AMMECR1: variants seen among roughly 807,000 people sequenced by gnomAD.
AMMECR1 encodes nuclear protein AMMECR1.
A neutral mutation model predicts 22.5 loss-of-function variants in AMMECR1; 3 were observed. That is an observed-to-expected ratio of 0.13 (90% CI 0.06 to 0.35). The LOEUF (loss-of-function observed/expected upper bound fraction) is 0.35, where lower values mean the gene tolerates loss of function less well. Among genes scored for constraint, AMMECR1 ranks in the 10% least tolerant of loss-of-function variants. The pLI is 1.00. For synonymous variants in AMMECR1, 130 were observed against 116.7 expected (o/e 1.11, Z -0.74); for missense variants, 235 against 278.7 (o/e 0.84, Z 1.12).
chrX:110,326,427 T>C lies in AMMECR1; in HGVS notation c.-147-8578A>G, dbSNP rs368019712. 2.7e-5 allele frequency among the ~76,000 whole-genome samples: 3 copies of C among 112,526 alleles called. No homozygotes were observed. In the East Asian group the frequency reaches 8.3e-4, roughly 31 times the overall value. On this transcript the variant is annotated intron_variant, in intron 2 of 7. Coordinates refer to the AMMECR1 transcript ENST00000372057. ...CACATATTTGTGAATTTCCCAAATT[T>C]CCTTCTGTTTTTTATTTCTAATTTC...
At chrX:110,305,798 G>A (rs5942915) in intron 1 of AMMECR1, among the ~76,000 whole-genome samples, 41,451 of 108,535 alleles carry the variant, frequency 0.38, 6,356 homozygotes, top group East Asian at 0.93. Context: ...CATTTCCTCA[G>A]AAACCCCATC....
intron 2 of AMMECR1, among the ~76,000 whole-genome samples, chrX:110,226,650 T>C (rs2067535210): frequency 9.0e-6 from 1 of 111,324 alleles, no homozygotes; most frequent in Non-Finnish European, 1.9e-5. Context: ...GTAAGAGAGC[T>C]GACATATGAA....
At chrX:110,319,017 T>C (rs1394595245), upstream of AMMECR1, among the ~76,000 whole-genome samples, 1 of 112,380 alleles carries the variant, frequency 8.9e-6, no homozygotes, top group Non-Finnish European at 1.9e-5. Flanking sequence ...TTATCTGTAG[T>C]GCTCAGATCT....
intron 2 of AMMECR1, among the ~76,000 whole-genome samples, chrX:110,361,941 A>G (rs1235271849): frequency 8.9e-6 from 1 of 111,859 alleles, no homozygotes; most frequent in Non-Finnish European, 1.9e-5. Flanking sequence ...AACTGTATTT[A>G]CCAAAACAGG....
intron 1 of AMMECR1, among the ~76,000 whole-genome samples, chrX:110,273,526 CT>C (rs2067810316): frequency 8.9e-6 from 1 of 112,175 alleles, no homozygotes; most frequent in East Asian, 2.8e-4. Flanking sequence ...GTTGCATTTG[CT>C]TTTAGAGTTT....
intron 1 of AMMECR1, among the ~76,000 whole-genome samples, chrX:110,296,513 T>C (rs780776805): frequency 8.9e-6 from 1 of 112,181 alleles, no homozygotes; most frequent in South Asian, 3.7e-4. Context: ...TATGTGTGCA[T>C]TGGTATACTA....
chrX:110,362,885 T>C lies in AMMECR1; in HGVS notation c.-147-45036A>G, dbSNP rs185047337. 1.9e-4 allele frequency among the ~76,000 whole-genome samples: 21 copies of C among 112,078 alleles called. No individual in the cohort carries two copies. In the East Asian group the frequency reaches 5.3e-3, roughly 28 times the overall value. On this transcript the variant is annotated intron_variant, in intron 2 of 7. Coordinates refer to the AMMECR1 transcript ENST00000372057. ...GGGGGATTTATATATATTAATTCAT[T>C]TAATTCTTATAAAACACCTAAGTGA... is the stretch of plus-strand genomic sequence containing the variant.
In AMMECR1 at chrX:110,403,109, G is replaced by A. The variant is rs192586292; in HGVS notation, c.-148+23549C>T. Reference sequence around the variant, plus strand: ...CCCTGCCATCCTTGGGAGTAGGTATGAGAGAGGGAGTTGAGAGGCCAGGCT... The same window carrying A: ...CCCTGCCATCCTTGGGAGTAGGTATAAGAGAGGGAGTTGAGAGGCCAGGCT... On this transcript the variant is annotated intron_variant, in intron 2 of 7. Coordinates refer to the AMMECR1 transcript ENST00000372057. Among the ~76,000 whole-genome samples the A allele has an allele frequency of 6.3e-5, 7 of 111,352 alleles. No individual in the cohort carries two copies. In the East Asian group the frequency reaches 1.4e-3, roughly 23 times the overall value.
intron 2 of AMMECR1, among the ~76,000 whole-genome samples, chrX:110,378,972 AT>A (rs2068398772): frequency 1.8e-5 from 2 of 111,250 alleles, no homozygotes; most frequent in South Asian, 7.7e-4. Context: ...CTCGTGAAAC[AT>A]TAACCTCTCC....
At chrX:110,333,831 T>TG (rs1163601470) in intron 2 of AMMECR1, among the ~76,000 whole-genome samples, 3 of 88,274 alleles carry the variant, frequency 3.4e-5, no homozygotes, top group Non-Finnish European at 6.7e-5. Flanking sequence ...TGTCAGGGGG[T>TG]GGGGGTCTGG....
chrX:110,234,324 A>G (rs2067587562), intron 2 of AMMECR1, among the ~76,000 whole-genome samples: 1 of 112,337 alleles, frequency 8.9e-6, no homozygotes, highest in Admixed American at 9.4e-5. Flanking sequence ...CAACGAAATA[A>G]AAGAGGACAC....
intron 2 of AMMECR1, among the ~76,000 whole-genome samples, chrX:110,346,423 A>C (rs1569411688): frequency 8.9e-6 from 1 of 112,339 alleles, no homozygotes; most frequent in Non-Finnish European, 1.9e-5. Context: ...ATAAGTTACT[A>C]GTTTTCACTA....
At chrX:110,371,406 A>G (rs2068337995) in intron 2 of AMMECR1, among the ~76,000 whole-genome samples, 1 of 111,617 alleles carries the variant, frequency 9.0e-6, no homozygotes, top group African/African-American at 3.3e-5. Flanking sequence ...AAACAATCCA[A>G]TTACAGTCCT....
chrX:110,336,388 T>TA (rs940888669), intron 2 of AMMECR1, among the ~76,000 whole-genome samples: 5 of 110,582 alleles, frequency 4.5e-5, no homozygotes, highest in East Asian at 2.8e-4. Flanking sequence ...TGTATTTTTT[T>TA]AAAAAAACAT....
chrX:110,300,851 CTTCT>C (rs1397630547), intron 1 of AMMECR1, among the ~76,000 whole-genome samples: 1 of 111,685 alleles, frequency 9.0e-6, no homozygotes, highest in Non-Finnish European at 1.9e-5. Flanking sequence ...TAGATAAATG[CTTCT>C]TTCTTTCCTA....
chrX:110,198,516 A>G lies in AMMECR1; in HGVS notation c.*4T>C. 8.7e-7 allele frequency: 1 copy of G among 1,154,899 alleles called. No homozygotes were observed. The highest frequency in any genetic ancestry group is 1.2e-6 in the Non-Finnish European group (1 of 858,049). On this transcript the variant is annotated 3_prime_UTR_variant, in exon 6 of 6. Coordinates refer to ENST00000262844, the MANE Select transcript of AMMECR1 (RefSeq NM_015365.3). ...GGCCCAGTGACTGGTTGTGCGGCTCAGTGTCAGGAATAATGGTTGTATGGC... is the reference window on the plus strand; with the variant it reads ...GGCCCAGTGACTGGTTGTGCGGCTCGGTGTCAGGAATAATGGTTGTATGGC...
chrX:110,223,519 A>C (rs1436826640), intron 2 of AMMECR1, among the ~76,000 whole-genome samples: 1 of 112,092 alleles, frequency 8.9e-6, no homozygotes, highest in African/African-American at 3.2e-5. Flanking sequence ...AAGCTTGGAA[A>C]TGTGAAGATA....
At chrX:110,206,691 C>T (rs916749853) in intron 3 of AMMECR1, among the ~76,000 whole-genome samples, 1 of 111,689 alleles carries the variant, frequency 9.0e-6, no homozygotes, top group South Asian at 3.8e-4. Flanking sequence ...TAGTCCTGAC[C>T]CTCAAAGCTA....
chrX:110,275,744 C>T (rs761219661), intron 1 of AMMECR1, among the ~76,000 whole-genome samples: 3 of 110,943 alleles, frequency 2.7e-5, no homozygotes, highest in Non-Finnish European at 3.8e-5. Flanking sequence ...GCAGGAGAAT[C>T]GCTTGAACCC....
Sources: gnomAD v4.1 joint callset for allele counts (sites outside exome capture counted in the v4.1 genomes callset) on GRCh38, gnomAD v4.1.1 for gene constraint, MANE v1.5 for transcripts, NCBI Gene and HGNC (gene_info 2026-07-23, HGNC 2026-07-21) for gene names.